ZNF883: variants seen among roughly 807,000 people sequenced by gnomAD.
The protein encoded by ZNF883 is zinc finger protein 883.
At chr9:113,011,922 G>C (rs1337740181) in intron 1 of ZNF883, among the ~76,000 whole-genome samples, 1 of 152,112 alleles carries the variant, frequency 6.6e-6, no homozygotes, top group African/African-American at 2.4e-5. Flanking sequence ...AGCAGACACG[G>C]CTTTGCCTCC....
At chr9:113,010,844 G>T (rs896984622) in intron 2 of ZNF883, among the ~76,000 whole-genome samples, 5 of 151,776 alleles carry the variant, frequency 3.3e-5, no homozygotes, top group Admixed American at 3.3e-4. Flanking sequence ...AAATTAGCCG[G>T]GCGTGGTGGT....
upstream of ZNF883, chr9:113,002,209 G>A (rs919964935): frequency 1.3e-5 from 2 of 152,150 alleles, no homozygotes; most frequent in Non-Finnish European, 2.9e-5. Context: ...AGAGTTCTAG[G>A]TTCAAGAGTG....
chr9:113,011,802 T>A (rs755748005), intron 1 of ZNF883, among the ~76,000 whole-genome samples: 1 of 152,036 alleles, frequency 6.6e-6, no homozygotes, highest in Non-Finnish European at 1.5e-5. Context: ...CCTCCCCAGA[T>A]AAACTGCCCC....
downstream of ZNF883, among the ~76,000 whole-genome samples, chr9:112,995,395 G>C (rs1828340871): frequency 6.6e-6 from 1 of 151,914 alleles, no homozygotes; most frequent in African/African-American, 2.4e-5. Context: ...TGCAGATCTT[G>C]GGCTTCTTAT....
exon 1 of ZNF883, chr9:112,997,740 T>C: frequency 6.2e-7 from 1 of 1,613,954 alleles, no homozygotes; most frequent in Non-Finnish European, 8.5e-7. Flanking sequence ...TCAGAATGAA[T>C]TCCCTGATGT....
chr9:113,004,595 G>A (rs1828458058), intron 2 of ZNF883, among the ~76,000 whole-genome samples: 1 of 151,940 alleles, frequency 6.6e-6, no homozygotes, highest in Non-Finnish European at 1.5e-5. Context: ...ATGGCCATCT[G>A]TAAACCAGGA....
chr9:113,008,011 G>GT (rs1418010241), intron 2 of ZNF883, among the ~76,000 whole-genome samples: 1 of 152,104 alleles, frequency 6.6e-6, no homozygotes, highest in Non-Finnish European at 1.5e-5. Context: ...ACAGCATTTT[G>GT]TACAAAGATT....
At chr9:113,006,096 T>TAAA (rs1828472591) in intron 2 of ZNF883, among the ~76,000 whole-genome samples, 1 of 65,124 alleles carries the variant, frequency 1.5e-5, no homozygotes, top group African/African-American at 8.2e-5. Flanking sequence ...GCATGAAAAA[T>TAAA]TAAAAAAAAA....
Position 112,997,318 on chromosome 9 carries a change from C to T in ZNF883, n.942G>A, listed in dbSNP as rs751860974. On this transcript the variant is annotated non_coding_transcript_exon_variant, in exon 1 of 1. Coordinates refer to ENST00000639662, the Ensembl canonical transcript of ZNF883. ...ACTGGTAGGGTTTCTCTCCTGTATG[C>T]GTCCTCTGATGTCGAATTAGTGATG... 39 of 1,613,878 alleles carry T rather than the reference C, an allele frequency of 2.4e-5. No individual in the cohort carries two copies. The Middle Eastern group carries it at 8.3e-4, about 34-fold the overall frequency.
At chr9:112,992,659 A>G (rs1202935850), downstream of ZNF883, among the ~76,000 whole-genome samples, 1 of 152,194 alleles carries the variant, frequency 6.6e-6, no homozygotes, top group African/African-American at 2.4e-5. Context: ...CCTGGATGAC[A>G]TCCTGAAGTA....
At chr9:112,997,019 G>C, downstream of ZNF883, 1 of 1,143,576 alleles carries the variant, frequency 8.7e-7, no homozygotes, top group Non-Finnish European at 1.2e-6. Context: ...TGAGTGTTTT[G>C]CCTAAGATTT....
At chr9:113,007,859 C>T (rs538520056) in intron 2 of ZNF883, among the ~76,000 whole-genome samples, 1 of 152,248 alleles carries the variant, frequency 6.6e-6, no homozygotes, top group Admixed American at 6.5e-5. Flanking sequence ...TATAGCCTCT[C>T]CCCTATTCTC....
upstream of ZNF883, among the ~76,000 whole-genome samples, chr9:113,000,598 AG>A (rs1462794213): frequency 2.0e-5 from 3 of 152,178 alleles, no homozygotes; most frequent in African/African-American, 7.2e-5. Context: ...ATGCTGAAAT[AG>A]ATTATAGGGA....
downstream of ZNF883, among the ~76,000 whole-genome samples, chr9:112,996,566 C>T (rs564384550): frequency 2.3e-4 from 35 of 150,980 alleles, no homozygotes; most frequent in East Asian, 5.9e-4. Context: ...CCGAGGCGGG[C>T]AGATCATGAG....
chr9:112,989,482 T>C (rs1360612078), intron 1 of ZNF883, among the ~76,000 whole-genome samples: 1 of 152,186 alleles, frequency 6.6e-6, no homozygotes, highest in East Asian at 1.9e-4. Context: ...TTGGTCTATG[T>C]GTCGTTTTTG....
At chr9:113,010,725 C>T (rs150263959) in intron 2 of ZNF883, among the ~76,000 whole-genome samples, 8,358 of 152,170 alleles carry the variant, frequency 0.055, 327 homozygotes, top group East Asian at 0.091. Context: ...CGGTGACTCA[C>T]ACCTGTAATC....
At chr9:112,990,406 T>A (rs1828290749) in intron 1 of ZNF883, among the ~76,000 whole-genome samples, 1 of 152,232 alleles carries the variant, frequency 6.6e-6, no homozygotes. Context: ...GTTTATGTGA[T>A]GAATTACATT....
downstream of ZNF883, among the ~76,000 whole-genome samples, chr9:112,992,831 G>A (rs1407758856): frequency 6.6e-6 from 1 of 152,038 alleles, no homozygotes; most frequent in African/African-American, 2.4e-5. Flanking sequence ...TAGTCTTCAA[G>A]CTCTGAAATT....
chr9:112,996,740 G>A (rs551907044), downstream of ZNF883, among the ~76,000 whole-genome samples: 76 of 125,604 alleles, frequency 6.1e-4, no homozygotes, highest in African/African-American at 1.9e-3. Flanking sequence ...GCAGTGAGCC[G>A]AGATCGCGCC....
Sources: allele counts gnomAD v4.1 joint callset (sites outside exome capture counted in the v4.1 genomes callset), GRCh38; gene constraint gnomAD v4.1.1; transcripts MANE v1.5; gene names NCBI Gene and HGNC (gene_info 2026-07-23, HGNC 2026-07-21).